The following ARHGAP23 variants were observed in gnomAD, a reference collection of about 807,000 sequenced individuals.
ARHGAP23 encodes the protein rho GTPase-activating protein 23.
In ARHGAP23, 34 loss-of-function variants were observed where a neutral mutation model predicts 136.3. The observed-to-expected ratio is 0.25, with a 90% confidence interval of 0.19 to 0.33. ARHGAP23 has a LOEUF of 0.33. Among genes scored for constraint, ARHGAP23 ranks in the 10% least tolerant of loss-of-function variants. The pLI, the probability that ARHGAP23 is intolerant of heterozygous loss-of-function variation, is 1.00. For synonymous variants in ARHGAP23, 832 were observed against 920.5 expected, an observed-to-expected ratio of 0.90 and a Z score of 1.74; for missense variants, 1,808 against 2,139.0, an observed-to-expected ratio of 0.85 and a Z score of 3.05.
At chr17:38,438,738 CT>C (rs543444310) in intron 1 of ARHGAP23, among the ~76,000 whole-genome samples, 114 of 152,150 alleles carry the variant, frequency 7.5e-4, no homozygotes, top group Admixed American at 2.9e-3. Context: ...AATCCCAGCA[CT>C]TTGGGAGGCT....
intron 14 of ARHGAP23, among the ~76,000 whole-genome samples, 179 bp downstream of exon 14, chr17:38,480,062 G>C (rs116172938): frequency 1.3e-5 from 2 of 152,068 alleles, no homozygotes; most frequent in African/African-American, 4.8e-5. Context: ...TCAGGGTCTC[G>C]GGGTGGAAGG....
chr17:38,506,655 G>T lies in ARHGAP23; in HGVS notation c.3448-3289G>T, dbSNP rs138024729. 2.6e-5 allele frequency among the ~76,000 whole-genome samples: 4 copies of T among 152,290 alleles called. No homozygotes were observed. The East Asian group carries it at 7.7e-4, about 29-fold the overall frequency. ...AGGCAAGGCAGAAAGAAAAGAGAGC[G>T]CAAGAGAGCCCAAGCCCTCTGGTGT... On this transcript the variant is annotated intron_variant, in intron 23 of 23. Coordinates refer to ENST00000622683, the MANE Select transcript of ARHGAP23 (RefSeq NM_001199417.2).
chr17:38,459,459 T>C (rs1450094351), intron 2 of ARHGAP23, among the ~76,000 whole-genome samples: 2 of 152,208 alleles, frequency 1.3e-5, no homozygotes, highest in Non-Finnish European at 2.9e-5. Context: ...AAGTGGGGGC[T>C]GATGGAGTGT....
intron 1 of ARHGAP23, among the ~76,000 whole-genome samples, chr17:38,439,045 G>A (rs1363444950): frequency 8.6e-5 from 13 of 150,408 alleles, no homozygotes; most frequent in African/African-American, 2.5e-4. Flanking sequence ...GTGTAGTGGC[G>A]GGCACCTGTA....
chr17:38,433,666 TGAGGA>T (rs1191051365), intron 1 of ARHGAP23, among the ~76,000 whole-genome samples: 1 of 152,040 alleles, frequency 6.6e-6, no homozygotes, highest in East Asian at 1.9e-4. Context: ...TGTGGGGCAT[TGAGGA>T]GAGCAGGCAG....
At chr17:38,440,297 G>C (rs1039294600) in intron 1 of ARHGAP23, among the ~76,000 whole-genome samples, 22 of 152,226 alleles carry the variant, frequency 1.4e-4, no homozygotes, top group Admixed American at 4.6e-4. Context: ...GGGATTACAG[G>C]CATGAGGCAC....
At chr17:38,456,666 G>A (rs2039333110) in intron 1 of ARHGAP23, among the ~76,000 whole-genome samples, 3 of 152,186 alleles carry the variant, frequency 2.0e-5, no homozygotes, top group African/African-American at 7.2e-5. Context: ...CAGCTTCTCC[G>A]TGGCTCCCAT....
chr17:38,454,447 G>T (rs1325654324), intron 1 of ARHGAP23, among the ~76,000 whole-genome samples: 2 of 152,144 alleles, frequency 1.3e-5, no homozygotes, highest in African/African-American at 4.8e-5. Flanking sequence ...TTGAAGAGAC[G>T]CTGGGGCTTC....
At chr17:38,471,609 T>G (rs1363067957) in intron 10 of ARHGAP23, among the ~76,000 whole-genome samples, 3 of 152,248 alleles carry the variant, frequency 2.0e-5, no homozygotes, top group African/African-American at 7.2e-5. Context: ...AATTGGCTCC[T>G]GTAGTGTGGT....
intron 1 of ARHGAP23, among the ~76,000 whole-genome samples, chr17:38,421,402 G>GC (rs2038519461): frequency 6.6e-6 from 1 of 152,192 alleles, no homozygotes; most frequent in East Asian, 1.9e-4. Flanking sequence ...TCTCCGAGGT[G>GC]CCTAGGCTGA....
chr17:38,508,244 A>G (rs747192050), intron 23 of ARHGAP23, among the ~76,000 whole-genome samples: 1 of 152,186 alleles, frequency 6.6e-6, no homozygotes, highest in African/African-American at 2.4e-5. Context: ...GGCTGTACAG[A>G]GGAAGCCATG....
Position 38,428,543 on chromosome 17 carries a change from C to T in ARHGAP23, c.58C>T (p.Pro20Ser). Residue 20 changes from proline (P) to serine (S), a missense_variant, in exon 1 of 24, where the codon CCA becomes TCA. Pro to Ser is a moderately conservative substitution (Grantham distance 74). Around this residue, in one of 7 missense-constraint regions of ARHGAP23, gnomAD observed 859 missense variants for 936.4 expected, o/e 0.92. Transcript: ENST00000622683. ...GIPPRPEPRP[P>S]QLPLGPRDGC... is the part of the protein sequence containing the mutation. Reference sequence around the variant, plus strand: ...CCCGCCCCGCCCGGAGCCCCGGCCCCCACAGGTGAGGGTGCTGGGCCAGGG... The same window carrying T: ...CCCGCCCCGCCCGGAGCCCCGGCCCTCACAGGTGAGGGTGCTGGGCCAGGG... The T allele has an allele frequency of 6.9e-7, 1 of 1,451,174 alleles. No homozygotes were observed. The highest frequency in any genetic ancestry group is 9.1e-7 in the Non-Finnish European group (1 of 1,104,766). 89.9% of individuals were successfully genotyped at this position (1,451,174 alleles called of 1,614,324 possible).
In ARHGAP23 at chr17:38,466,480, C is replaced by T. The variant is rs182646905; in HGVS notation, c.797C>T (p.Thr266Met). 6.8e-4 allele frequency: 1,025 copies of T among 1,514,460 alleles called. 5 individuals are homozygous for T. In the African/African-American group the frequency reaches 0.012, roughly 17 times the overall value. 93.8% of individuals were successfully genotyped at this position (1,514,460 alleles called of 1,614,324 possible). A position where few individuals can be genotyped will look rare whatever the true frequency, so the allele number is the denominator to read the frequency against. ...CCCCACCTCTCCTCGGAGCCCCGGA[C>T]GCCCCGTGCCTTCCCAGAGCCTGGC... The part of the protein sequence containing the change: ...AFPHLSSEPR[T>M]PRAFPEPGSR... Residue 266 changes from threonine (T) to methionine (M), a missense_variant, in exon 7 of 24, where the codon ACG (threonine) becomes ATG (methionine). This residue lies in a region of ARHGAP23 where 859 missense variants were observed against 936.4 expected (regional missense o/e 0.92). Coordinates refer to ENST00000622683, the MANE Select transcript of ARHGAP23 (RefSeq NM_001199417.2).
rs1393261574 is a variant in ARHGAP23 at position 38,510,255 on chromosome 17, G to T, written c.3759G>T (p.Leu1253=). 5.2e-5 allele frequency: 70 copies of T among 1,350,506 alleles called. No homozygotes were observed. In the East Asian group the frequency reaches 2.2e-3, roughly 42 times the overall value. The allele number at this position is 1,350,506 out of a possible 1,614,324, so 83.7% of individuals were successfully genotyped here. The part of the protein sequence containing the change: ...TRSIVSGYST[L]STMDRSVCSG... ...CCATTGTGTCGGGCTACTCCACCCT[G>T]TCCACCATGGACCGCAGCGTGTGCT... Residue 1253 remains leucine, a synonymous_variant, in exon 24 of 24, where the codon CTG becomes CTT. Transcript: ENST00000622683. This position sits in a 1 kb window ranked among gnomAD's most constrained non-coding sequence, Gnocchi z 4.6.
intron 22 of ARHGAP23, among the ~76,000 whole-genome samples, chr17:38,498,758 C>G (rs1248453566): frequency 6.6e-6 from 1 of 152,204 alleles, no homozygotes; most frequent in Non-Finnish European, 1.5e-5. Context: ...TTCGCCCTCT[C>G]TCACTGGTTT....
Position 38,462,883 on chromosome 17 carries a change from C to G in ARHGAP23, c.291C>G (p.Thr97=), listed in dbSNP as rs1226596010. ...GGTACCGCCTGGAGCCCATGGACAC[C>G]ATCTTTGTCAAGAATGTGAAGGAAG... is the stretch of plus-strand genomic sequence containing the variant. ...SPRYRLEPMD[T]IFVKNVKEDG... The change falls in exon 4 of 24, where the codon ACC becomes ACG. Residue 97 remains threonine, a synonymous_variant. Transcript: ENST00000622683. 9 of 1,534,390 alleles carry G rather than the reference C, an allele frequency of 5.9e-6. No individual in the cohort carries two copies. In the African/African-American group the frequency reaches 1.3e-4, roughly 21 times the overall value.
chr17:38,498,998 G>A (rs2040459688), intron 22 of ARHGAP23: 1 of 700,006 alleles, frequency 1.4e-6, no homozygotes. Flanking sequence ...AGTGGCGGGT[G>A]ATTATAAGAA....
chr17:38,479,829 A>C lies in ARHGAP23; in HGVS notation c.2575A>C (p.Lys859Gln). The change falls in exon 14 of 24, where the codon AAG becomes CAG. Residue 859 changes from lysine (K) to glutamine (Q), a missense_variant. Around this residue, in one of 7 missense-constraint regions of ARHGAP23, gnomAD observed 73 missense variants for 82.5 expected, o/e 0.88. Coordinates refer to ENST00000622683, the MANE Select transcript of ARHGAP23 (RefSeq NM_001199417.2). ...GLGGLKSEFL[K>Q]QSAARGLRTQ... ...GGGGGGCCTCAAGTCTGAGTTCCTC[A>C]AGCAGAGTGCGGCACGTGGCCTCAG... The C allele has an allele frequency of 1.3e-6, 2 of 1,541,508 alleles. No homozygotes were observed. Among genetic ancestry groups the C allele is most frequent in the Non-Finnish European group, 1.7e-6 (2 of 1,143,398 alleles).
intron 1 of ARHGAP23, among the ~76,000 whole-genome samples, chr17:38,448,610 G>A (rs2039085779): frequency 6.6e-6 from 1 of 150,498 alleles, no homozygotes; most frequent in South Asian, 2.1e-4. Flanking sequence ...GTCAGCCCCT[G>A]AGCTGTGCTG....
Sources: gnomAD v4.1 joint callset for allele counts (sites outside exome capture counted in the v4.1 genomes callset) on GRCh38, gnomAD v4.1.1 for gene constraint, gnomAD v4.1.1 regional missense constraint, Gnocchi (gnomAD v3.1) non-coding constraint, MANE v1.5 for transcripts, NCBI Gene and HGNC (gene_info 2026-07-23, HGNC 2026-07-21) for gene names.